The following ABTB2 variants were observed in gnomAD, a reference collection of about 807,000 sequenced individuals.
The protein encoded by ABTB2 is ankyrin repeat and BTB/POZ domain-containing protein 2.
ABTB2 carries 56 observed loss-of-function variants against 104.1 expected under a neutral mutation model. The observed-to-expected ratio is 0.54, with a 90% CI of 0.43 to 0.67. ABTB2 has a LOEUF of 0.67. ABTB2 is among the 30% of genes least tolerant of loss of function. The pLI, the probability that ABTB2 is intolerant of heterozygous loss-of-function variation, is 0.00. For synonymous variants in ABTB2, 606 were observed against 608.2 expected, an observed-to-expected ratio of 1.00 and a Z score of 0.05; for missense variants, 1,279 against 1,407.7, an observed-to-expected ratio of 0.91 and a Z score of 1.46.
At chr11:34,341,972 A>G (rs1855266755) in intron 1 of ABTB2, among the ~76,000 whole-genome samples, 1 of 152,166 alleles carries the variant, frequency 6.6e-6, no homozygotes, top group African/African-American at 2.4e-5. Flanking sequence ...AGGTTGCCAC[A>G]TTTTCTGGTG....
intron 14 of ABTB2, among the ~76,000 whole-genome samples, chr11:34,156,550 T>G (rs1490526907): frequency 6.6e-6 from 1 of 150,580 alleles, no homozygotes; most frequent in Non-Finnish European, 1.5e-5. Flanking sequence ...TGAGACAGAG[T>G]TTCGCTCTTG....
At chr11:34,181,676 G>A (rs564574271) in intron 3 of ABTB2, among the ~76,000 whole-genome samples, 96 of 152,320 alleles carry the variant, frequency 6.3e-4, no homozygotes, top group Non-Finnish European at 8.7e-4. Context: ...AGCATACAAC[G>A]TTCTGGGGTG....
In ABTB2 at chr11:34,357,713, G is replaced by C; in HGVS notation, c.-130C>G. The C allele has an allele frequency of 9.2e-7, 1 of 1,092,040 alleles. No homozygotes were observed. Among genetic ancestry groups the C allele is most frequent in the Non-Finnish European group, 1.2e-6 (1 of 828,830 alleles). 67.6% of individuals were successfully genotyped at this position (1,092,040 alleles called of 1,614,324 possible). A position where few individuals can be genotyped will look rare whatever the true frequency, so the allele number is the denominator to read the frequency against. ...CCTTCCTCTCTGCGTCGCGGGGCTC[G>C]GCGGCCGCATTGCCTGCCCGGAGGC... is the stretch of plus-strand genomic sequence containing the variant. On this transcript the variant is annotated 5_prime_UTR_variant, in exon 1 of 17. Transcript: ENST00000435224.
At chr11:34,164,100 C>CCCG (rs1852761801) in intron 9 of ABTB2, among the ~76,000 whole-genome samples, 3 of 152,312 alleles carry the variant, frequency 2.0e-5, no homozygotes, top group East Asian at 1.9e-4. Flanking sequence ...GCCTGCCAGC[C>CCCG]CTGCTTATCC....
chr11:34,170,348 A>G (rs190421685), intron 5 of ABTB2, among the ~76,000 whole-genome samples: 1 of 152,384 alleles, frequency 6.6e-6, no homozygotes, highest in Admixed American at 6.5e-5. Context: ...TGTTCACAGC[A>G]AAAGTAAAAA....
At chr11:34,181,407 C>G (rs1259633021) in intron 3 of ABTB2, among the ~76,000 whole-genome samples, 1 of 152,162 alleles carries the variant, frequency 6.6e-6, no homozygotes, top group South Asian at 2.1e-4. Context: ...TAGGCAGGGA[C>G]CCCAGAGTGA....
rs183140491 is a variant in ABTB2 at position 34,223,536 on chromosome 11, A to G, written c.884-18846T>C. The stretch of plus-strand genomic sequence containing the variant: ...ACACACACTCACTCATGCTTTGAGC[A>G]GACTGACCCTATCTCTGCATGGGGT... On this transcript the variant is annotated intron_variant, in intron 1 of 16. Coordinates refer to ENST00000435224, the MANE Select transcript of ABTB2 (RefSeq NM_145804.3). Among the ~76,000 whole-genome samples, 97 of 152,314 alleles carry G rather than the reference A, an allele frequency of 6.4e-4. 2 individuals are homozygous for G. The South Asian group carries it at 0.016, about 25-fold the overall frequency.
intron 1 of ABTB2, among the ~76,000 whole-genome samples, chr11:34,269,590 C>T (rs1238135691): frequency 6.6e-6 from 1 of 152,252 alleles, no homozygotes; most frequent in Non-Finnish European, 1.5e-5. Context: ...CAGCCACAGA[C>T]AACTTGCAAC....
At chr11:34,333,239 C>T (rs1855153597) in intron 1 of ABTB2, among the ~76,000 whole-genome samples, 1 of 152,082 alleles carries the variant, frequency 6.6e-6, no homozygotes, top group South Asian at 2.1e-4. Context: ...GGGGTAGACA[C>T]TAACAAGGAA....
intron 1 of ABTB2, among the ~76,000 whole-genome samples, chr11:34,344,892 CCCACTTCAGTCAATGG>C (rs1412123503): frequency 4.6e-5 from 7 of 152,102 alleles, no homozygotes; most frequent in African/African-American, 1.7e-4. Context: ...CACAGCTTTC[CCCACTTCAGTCAATGG>C]CCACTCCCTC....
chr11:34,271,746 CAT>C (rs1854316201), intron 1 of ABTB2, among the ~76,000 whole-genome samples: 1 of 113,038 alleles, frequency 8.8e-6, no homozygotes, highest in African/African-American at 3.5e-5. Context: ...TACATACATA[CAT>C]ACATACATAC....
intron 1 of ABTB2, among the ~76,000 whole-genome samples, chr11:34,314,616 TAGG>T (rs1312805828): frequency 6.6e-6 from 1 of 152,102 alleles, no homozygotes; most frequent in Non-Finnish European, 1.5e-5. Flanking sequence ...ACACTGAGGC[TAGG>T]AGGTCAGTGT....
chr11:34,255,228 C>A (rs1450660716), intron 1 of ABTB2, among the ~76,000 whole-genome samples: 1 of 152,156 alleles, frequency 6.6e-6, no homozygotes, highest in African/African-American at 2.4e-5. Context: ...TGATCTTCTC[C>A]TAAACTTGAC....
At chr11:34,165,106 G>A (rs1162051062) in intron 8 of ABTB2, among the ~76,000 whole-genome samples, 154 bp downstream of exon 8, 1 of 152,216 alleles carries the variant, frequency 6.6e-6, no homozygotes, top group African/African-American at 2.4e-5. Flanking sequence ...TGGGGCCAGG[G>A]GAAGCCCCCA....
intron 3 of ABTB2, 54 bp from the exon 4 acceptor site, chr11:34,173,361 CAGAG>C: frequency 6.6e-7 from 1 of 1,513,446 alleles, no homozygotes; most frequent in Non-Finnish European, 8.9e-7. Flanking sequence ...TGCAGGGCAG[CAGAG>C]AGAGGGTCAG....
chr11:34,158,934 G>A (rs1042399777), intron 14 of ABTB2, among the ~76,000 whole-genome samples: 8 of 152,216 alleles, frequency 5.3e-5, no homozygotes, highest in African/African-American at 1.9e-4. Flanking sequence ...TGGGGCCTGG[G>A]GCTCTGCATT....
At chr11:34,317,957 G>A (rs1309260245) in intron 1 of ABTB2, among the ~76,000 whole-genome samples, 5 of 85,416 alleles carry the variant, frequency 5.9e-5, no homozygotes, top group East Asian at 3.3e-4. Flanking sequence ...CCCTCCCCAC[G>A]TCCCCCTCCC....
chr11:34,306,652 A>G (rs960024269), intron 1 of ABTB2, among the ~76,000 whole-genome samples: 1 of 151,716 alleles, frequency 6.6e-6, no homozygotes, highest in Non-Finnish European at 1.5e-5. Flanking sequence ...TGAGCCCAGG[A>G]GTGTGAGGCT....
chr11:34,273,304 A>C (rs1352471479), intron 1 of ABTB2, among the ~76,000 whole-genome samples: 1 of 152,094 alleles, frequency 6.6e-6, no homozygotes, highest in African/African-American at 2.4e-5. Flanking sequence ...TTTGTTTTGG[A>C]ATAAACCCAT....
Sources: gnomAD v4.1 joint callset for allele counts (sites outside exome capture counted in the v4.1 genomes callset) on GRCh38, gnomAD v4.1.1 for gene constraint, MANE v1.5 for transcripts, NCBI Gene and HGNC (gene_info 2026-07-23, HGNC 2026-07-21) for gene names.